Variants in MYSM1 observed in about 807,000 individuals in gnomAD.
MYSM1 encodes the protein deubiquitinase MYSM1.
In MYSM1, 51 loss-of-function variants were observed where a neutral mutation model predicts 116.0. The observed-to-expected ratio is 0.44, with a 90% CI of 0.35 to 0.56. The LOEUF is 0.56. Ranked by LOEUF, MYSM1 falls within the 20% of genes least tolerant of loss-of-function variation. The pLI is 0.00. For synonymous variants in MYSM1, 313 were observed against 315.2 expected (o/e 0.99, Z 0.07); for missense variants, 900 against 974.9 (o/e 0.92, Z 1.02).
At chr1:58,694,072 T>A (rs974605481) in intron 2 of MYSM1, among the ~76,000 whole-genome samples, 3 of 152,206 alleles carry the variant, frequency 2.0e-5, no homozygotes, top group African/African-American at 7.2e-5. Context: ...CTTTTTCCCA[T>A]CATTTTCAAC....
chr1:58,676,026 T>C (rs1272978313), intron 9 of MYSM1, among the ~76,000 whole-genome samples: 5 of 152,218 alleles, frequency 3.3e-5, no homozygotes, highest in African/African-American at 1.2e-4. Context: ...CTCCCTTTCA[T>C]AGACAAACAC....
chr1:58,667,921 G>C lies in MYSM1; in HGVS notation c.1768C>G (p.His590Asp). The change falls in exon 15 of 20, where the codon CAT becomes GAT. Residue 590 changes from histidine to aspartate, a missense_variant and splice_region_variant. Around this residue, in one of 3 missense-constraint regions of MYSM1, gnomAD observed 92 missense variants for 155.0 expected, o/e 0.59. Transcript: ENST00000472487. ...ASEALLIMDL[H>D]AHVSMAEVIG... is the part of the protein sequence containing the mutation. ...ACTTCTGCCATAGAAACATGAGCATGCTAAAAGAAATACAAGACAGACTTA... is the reference window on the plus strand; with the variant it reads ...ACTTCTGCCATAGAAACATGAGCATCCTAAAAGAAATACAAGACAGACTTA... 1 of 1,609,698 alleles carries C rather than the reference G, an allele frequency of 6.2e-7. No homozygotes were observed. The highest frequency in any genetic ancestry group is 8.5e-7 in the Non-Finnish European group (1 of 1,176,210).
At chr1:58,682,853 G>A (rs1342892445) in intron 7 of MYSM1, among the ~76,000 whole-genome samples, 2 of 152,002 alleles carry the variant, frequency 1.3e-5, no homozygotes, top group African/African-American at 4.8e-5. Flanking sequence ...CTGCCACCGT[G>A]CCCGGCTAAT....
At position 58,659,647 on chromosome 1, in the gene MYSM1, C is replaced by T. The variant is rs12562490; in HGVS notation, c.*350G>A. On this transcript the variant is annotated 3_prime_UTR_variant, in exon 20 of 20. Coordinates refer to ENST00000472487, the MANE Select transcript of MYSM1 (RefSeq NM_001085487.3). ...TGAAATAGGAGATACCACAATGGAA[C>T]ATAAATGACTAGTTCAGGGAAGAAA... 0.36 allele frequency: 58,746 copies of T among 162,430 alleles called. 10,949 individuals are homozygous for T. Among genetic ancestry groups the T allele is most frequent in the Non-Finnish European group, 0.41 (30,689 of 75,420 alleles). The allele number at this position is 162,430 out of a possible 1,614,324, so 10.1% of individuals were successfully genotyped here.
intron 9 of MYSM1, 134 bp from the exon 10 acceptor site, chr1:58,675,714 C>A (rs927648551): frequency 3.5e-6 from 2 of 573,190 alleles, no homozygotes; most frequent in African/African-American, 3.7e-5. Flanking sequence ...TGATGTGCTA[C>A]TGAGCACCCC....
rs1425376505 is a variant in MYSM1 at position 58,685,278 on chromosome 1, T to A, written c.400-27A>T. 3.3e-6 allele frequency: 5 copies of A among 1,529,782 alleles called. No homozygotes were observed. In the South Asian group the frequency reaches 3.6e-5, roughly 11 times the overall value. 94.8% of individuals were successfully genotyped at this position (1,529,782 alleles called of 1,614,324 possible). A position where few individuals can be genotyped will look rare whatever the true frequency, so the allele number is the denominator to read the frequency against. On this transcript the variant is annotated intron_variant, in intron 6 of 19. Transcript: ENST00000472487. Reference sequence around the variant, plus strand: ...TGTATTATTAAAATGGGAAAAAAAATTGCTTTTGATGAATTTACTTAAGAA... The same window carrying A: ...TGTATTATTAAAATGGGAAAAAAAAATGCTTTTGATGAATTTACTTAAGAA...
In MYSM1 at chr1:58,690,247, A is replaced by G. The variant is rs1490180601; in HGVS notation, c.299T>C (p.Leu100Pro). Residue 100 changes from leucine to proline, a missense_variant and splice_region_variant, in exon 5 of 20, where the codon CTG becomes CCG. Coordinates refer to ENST00000472487, the MANE Select transcript of MYSM1 (RefSeq NM_001085487.3). ...ATACATGATTTTTGCTGTTTTCTGC[A>G]GACTGCATCACATGAAAAAAGAAAA... ...KEDDKKYMKSLQKTAKIMVHS... is the reference protein window; with the variant it reads ...KEDDKKYMKSPQKTAKIMVHS... The G allele has an allele frequency of 6.3e-7, 1 of 1,576,114 alleles. No homozygotes were observed. Among genetic ancestry groups the G allele is most frequent in the African/African-American group, 1.4e-5 (1 of 73,108 alleles).
chr1:58,665,334 C>T lies in MYSM1; in HGVS notation c.2164+165G>A, dbSNP rs567835043. ...TTGAATATAGCAGGAGATTAAGAAA[C>T]GGAAGAGGGTGGCTGCACTAGGGTG... On this transcript the variant is annotated intron_variant, in intron 17 of 19. Transcript: ENST00000472487. Among the ~76,000 whole-genome samples, 3 of 152,216 alleles carry T rather than the reference C, an allele frequency of 2.0e-5. No homozygotes were observed. The South Asian group carries it at 6.2e-4, about 32-fold the overall frequency.
At chr1:58,669,914 T>TCAAAA (rs1644535641) in intron 12 of MYSM1, among the ~76,000 whole-genome samples, 1 of 142,582 alleles carries the variant, frequency 7.0e-6, no homozygotes, top group Admixed American at 6.9e-5. Context: ...CTAAGCAAGG[T>TCAAAA]CAAAAGCACA....
chr1:58,660,880 C>A (rs1425733495), intron 19 of MYSM1, among the ~76,000 whole-genome samples: 1 of 151,924 alleles, frequency 6.6e-6, no homozygotes, highest in East Asian at 1.9e-4. Flanking sequence ...ATGGCACTTT[C>A]AAATTTAATA....
In MYSM1 at chr1:58,659,603, G is replaced by A. The variant is rs181803312; in HGVS notation, c.*394C>T. ...CAAATCTCAGCAGAATATATGGAAA[G>A]AATGGAAGTGCTTTTAAATGAAATA... is the stretch of plus-strand genomic sequence containing the variant. On this transcript the variant is annotated 3_prime_UTR_variant, in exon 20 of 20. Coordinates refer to ENST00000472487, the MANE Select transcript of MYSM1 (RefSeq NM_001085487.3). 4.9e-3 allele frequency: 759 copies of A among 153,834 alleles called. 3 individuals carry two copies. The highest frequency in any genetic ancestry group is 7.6e-3 in the Non-Finnish European group (524 of 69,230). 9.5% of individuals were successfully genotyped at this position (153,834 alleles called of 1,614,324 possible). A position where few individuals can be genotyped will look rare whatever the true frequency, so the allele number is the denominator to read the frequency against.
chr1:58,685,294 T>A, intron 6 of MYSM1, 43 bp from the exon 7 acceptor site: 1 of 1,383,720 alleles, frequency 7.2e-7, no homozygotes, highest in Non-Finnish European at 1.0e-6. Flanking sequence ...TTGATGAATT[T>A]ACTTAAGAAT....
intron 12 of MYSM1, among the ~76,000 whole-genome samples, chr1:58,671,176 T>A (rs1644555109): frequency 1.3e-5 from 2 of 152,190 alleles, no homozygotes; most frequent in African/African-American, 2.4e-5. Flanking sequence ...CCTCTCAGTT[T>A]CCTCATCTAT....
intron 1 of MYSM1, among the ~76,000 whole-genome samples, chr1:58,697,027 T>C (rs187752382): frequency 6.6e-6 from 1 of 152,150 alleles, no homozygotes; most frequent in Non-Finnish European, 1.5e-5. Context: ...AGGGAGAGAT[T>C]TTAAAAATAC....
chr1:58,682,384 A>T lies in MYSM1; in HGVS notation c.660T>A (p.Asp220Glu). 2 of 1,614,180 alleles carry T rather than the reference A, an allele frequency of 1.2e-6. No individual in the cohort carries two copies. The highest frequency in any genetic ancestry group is 2.2e-5 in the East Asian group (1 of 44,866). ...NAVKIEKLSD[D>E]EEVDITDEVD... ...CCTCATCTGTGATGTCTACTTCTTCATCATCAGATAACTTTTCAATTTTTA... is the reference window on the plus strand; with the variant it reads ...CCTCATCTGTGATGTCTACTTCTTCTTCATCAGATAACTTTTCAATTTTTA... Residue 220 changes from aspartate (D) to glutamate (E), a missense_variant, in exon 8 of 20, where the codon GAT (aspartate) becomes GAA (glutamate). Asp to Glu is a conservative substitution (Grantham distance 45). This residue lies in a region of MYSM1 where 622 missense variants were observed against 623.7 expected (regional missense o/e 1.00). Coordinates refer to ENST00000472487, the MANE Select transcript of MYSM1 (RefSeq NM_001085487.3).
At chr1:58,689,317 G>A in intron 5 of MYSM1, 2 of 483,136 alleles carry the variant, frequency 4.1e-6, no homozygotes, top group Non-Finnish European at 7.2e-6. Flanking sequence ...TCTAGCTCAG[G>A]ATGATGGGAG....
At chr1:58,675,000 C>A (rs1391353444) in intron 10 of MYSM1, among the ~76,000 whole-genome samples, 1 of 146,336 alleles carries the variant, frequency 6.8e-6, no homozygotes, top group Non-Finnish European at 1.5e-5. Flanking sequence ...CGAGATGTTT[C>A]TTTTTCTCCT....
intron 11 of MYSM1, 136 bp from the exon 12 acceptor site, chr1:58,672,094 T>C (rs1407427160): frequency 1.5e-5 from 10 of 649,384 alleles, no homozygotes; most frequent in African/African-American, 3.8e-5. Context: ...TCCTTTTTGC[T>C]ACCAACATGT....
chr1:58,697,258 G>T (rs1644988820), intron 1 of MYSM1, among the ~76,000 whole-genome samples: 2 of 144,644 alleles, frequency 1.4e-5, no homozygotes, highest in African/African-American at 2.6e-5. Flanking sequence ...GAAGAGATCT[G>T]GTGGGGAAAA....
Sources: gnomAD v4.1 joint callset for allele counts (sites outside exome capture counted in the v4.1 genomes callset) on GRCh38, gnomAD v4.1.1 for gene constraint, gnomAD v4.1.1 regional missense constraint, MANE v1.5 for transcripts, NCBI Gene and HGNC (gene_info 2026-07-23, HGNC 2026-07-21) for gene names.